The following KIAA1217 variants were observed in gnomAD, a reference collection of about 807,000 sequenced individuals.
The protein encoded by KIAA1217 is KIAA1217, also known as sickle tail protein homolog.
Under a neutral mutation model 163.9 loss-of-function variants are expected in KIAA1217, and 88 were observed. The ratio of observed to expected loss-of-function variants is 0.54; its 90% CI spans 0.45 to 0.64. The LOEUF is 0.64. Among genes scored for constraint, KIAA1217 ranks in the 30% least tolerant of loss-of-function variants. The pLI, the probability that KIAA1217 is intolerant of heterozygous loss-of-function variation, is 0.00. For missense variants in KIAA1217, 2,372 were observed against 2,475.0 expected (o/e 0.96, Z 0.88); for synonymous variants, 903 against 923.1 (o/e 0.98, Z 0.39).
rs1462204129 is a variant in KIAA1217 at position 24,157,972 on chromosome 10, T to A, written c.-170-61654T>A. The A allele has an allele frequency of 6.7e-6, 5 of 744,946 alleles. No homozygotes were observed. The Admixed American group carries it at 9.6e-5, about 14-fold the overall frequency. The allele number at this position is 744,946 out of a possible 1,614,324, so 46.1% of individuals were successfully genotyped here. On this transcript the variant is annotated intron_variant, in intron 2 of 18. Transcript: ENST00000376462. ...TGTGGAATTTGCCAGCCCTGGTGACTCCACAATCTCGATCAATTAGTGGCC... is the reference window on the plus strand; with the variant it reads ...TGTGGAATTTGCCAGCCCTGGTGACACCACAATCTCGATCAATTAGTGGCC...
intron 2 of KIAA1217, among the ~76,000 whole-genome samples, chr10:24,099,029 A>C (rs2062281990): frequency 6.6e-6 from 1 of 152,188 alleles, no homozygotes; most frequent in Non-Finnish European, 1.5e-5. Context: ...CACTGTAGAA[A>C]AAACAACAGC....
intron 2 of KIAA1217, among the ~76,000 whole-genome samples, chr10:24,241,342 T>C (rs772770652): frequency 6.6e-6 from 1 of 152,174 alleles, no homozygotes; most frequent in Admixed American, 6.5e-5. Context: ...AAATACAAAA[T>C]GTTAAGTATG....
intron 2 of KIAA1217, among the ~76,000 whole-genome samples, chr10:24,017,800 G>T (rs1589239954): frequency 6.6e-6 from 1 of 152,026 alleles, no homozygotes; most frequent in African/African-American, 2.4e-5. Context: ...GGTTCCAAAG[G>T]TCTCACCCAG....
chr10:24,006,990 G>A lies in KIAA1217; in HGVS notation c.-320-235G>A, dbSNP rs534365540. Among the ~76,000 whole-genome samples the A allele has an allele frequency of 1.4e-3, 209 of 152,070 alleles. 1 individual carries two copies. The highest frequency in any genetic ancestry group is 4.8e-3 in the African/African-American group (201 of 41,466). On this transcript the variant is annotated intron_variant, in intron 1 of 18. Coordinates refer to the KIAA1217 transcript ENST00000376462. ...GAATGTGTTTACTTTCCTTTATAGC[G>A]TCCAACTAATGTTTTGGGGAAAATA...
chr10:24,118,706 CTT>C (rs72027993), intron 2 of KIAA1217, among the ~76,000 whole-genome samples: 2 of 144,668 alleles, frequency 1.4e-5, no homozygotes, highest in Admixed American at 6.9e-5. Context: ...CCTGGATTTG[CTT>C]TTTTTTTTTT....
intron 1 of KIAA1217, among the ~76,000 whole-genome samples, chr10:23,891,671 A>G (rs1203140972): frequency 6.6e-6 from 1 of 151,950 alleles, no homozygotes; most frequent in African/African-American, 2.4e-5. Flanking sequence ...CACTGCTTAG[A>G]AATTATTGAT....
intron 2 of KIAA1217, among the ~76,000 whole-genome samples, chr10:24,130,044 T>G (rs1306416851): frequency 6.6e-6 from 1 of 152,156 alleles, no homozygotes; most frequent in Non-Finnish European, 1.5e-5. Context: ...AGAAACTTGT[T>G]CACCATTTGC....
In KIAA1217 at chr10:23,987,221, C is replaced by CA. The variant is rs558662869; in HGVS notation, c.-320-19998dup. On this transcript the variant is annotated intron_variant, in intron 1 of 18. Coordinates refer to the KIAA1217 transcript ENST00000376462. The stretch of plus-strand genomic sequence containing the variant: ...TGAAACCCTGTCTCTACTAAAAATA[C>CA]AAAAAATTAGCCGGGTGTGGTGGTG... Among the ~76,000 whole-genome samples the CA allele has an allele frequency of 3.3e-5, 5 of 151,700 alleles. No homozygotes were observed. The South Asian group carries it at 8.4e-4, about 25-fold the overall frequency.
Position 24,545,108 on chromosome 10 carries a change from T to C in KIAA1217, c.5334+5T>C, listed in dbSNP as rs372965582. On this transcript the variant is annotated splice_donor_5th_base_variant and intron_variant, in intron 20 of 20. Coordinates refer to ENST00000376454, the MANE Select transcript of KIAA1217 (RefSeq NM_019590.5). ...GATCCCCGCCAATATCGTCAGGTAG[T>C]TTTACCTTAAACCCACTTTTGGATG... is the stretch of plus-strand genomic sequence containing the variant. The C allele has an allele frequency of 1.2e-6, 2 of 1,614,020 alleles. No individual in the cohort carries two copies. Among genetic ancestry groups the C allele is most frequent in the African/African-American group, 2.7e-5 (2 of 74,918 alleles).
At chr10:23,922,299 C>A (rs2131294253) in intron 1 of KIAA1217, among the ~76,000 whole-genome samples, 1 of 152,308 alleles carries the variant, frequency 6.6e-6, no homozygotes, top group Non-Finnish European at 1.5e-5. Flanking sequence ...CCTTGACCTC[C>A]ATACCTCCTC....
At chr10:24,112,746 G>C (rs1038587184) in intron 2 of KIAA1217, among the ~76,000 whole-genome samples, 2 of 151,866 alleles carry the variant, frequency 1.3e-5, no homozygotes, top group African/African-American at 4.8e-5. Context: ...CCCCATGCCC[G>C]GCCAATTTTT....
intron 1 of KIAA1217, among the ~76,000 whole-genome samples, chr10:24,211,361 C>CTTTTTTTTTTTTTTTTTTTTTTTTTTTT (rs1201397959): frequency 1.7e-5 from 1 of 60,208 alleles, no homozygotes; most frequent in African/African-American, 6.5e-5. Context: ...GGTGGGACTA[C>CTTTTTTTTTTTTTTTTTTTTTTTTTTTT]TTTTTTTTTT....
At chr10:24,487,011 A>G (rs2065486802) in intron 6 of KIAA1217, among the ~76,000 whole-genome samples, 1 of 152,228 alleles carries the variant, frequency 6.6e-6, no homozygotes, top group South Asian at 2.1e-4. Context: ...ATGGAGTCAG[A>G]GAACAAACAC....
chr10:23,781,696 G>A (rs1019321345), intron 1 of KIAA1217, among the ~76,000 whole-genome samples: 1 of 152,122 alleles, frequency 6.6e-6, no homozygotes, highest in Non-Finnish European at 1.5e-5. Flanking sequence ...AGAGTTCTGT[G>A]GCTTCAGATT....
At chr10:23,744,209 G>C (rs1430436461) in intron 1 of KIAA1217, among the ~76,000 whole-genome samples, 2 of 152,210 alleles carry the variant, frequency 1.3e-5, no homozygotes, top group Non-Finnish European at 2.9e-5. Flanking sequence ...TAGCAAGGAT[G>C]TGAGCTACTA....
chr10:24,200,011 A>G (rs1226271762), intron 2 of KIAA1217, among the ~76,000 whole-genome samples: 1 of 151,650 alleles, frequency 6.6e-6, no homozygotes, highest in African/African-American at 2.4e-5. Context: ...GCTGACAGAA[A>G]CTCTGGGAAA....
At chr10:23,742,278 G>A (rs1056901611) in intron 1 of KIAA1217, among the ~76,000 whole-genome samples, 9 of 152,174 alleles carry the variant, frequency 5.9e-5, no homozygotes, top group East Asian at 3.9e-4. Flanking sequence ...GTCTGGAGGG[G>A]CCTGCCACTG....
Position 24,544,235 on chromosome 10 carries a change from T to C in KIAA1217, c.4965T>C (p.Thr1655=), listed in dbSNP as rs1280888595. The change falls in exon 19 of 21, where the codon ACT becomes ACC. Residue 1655 remains threonine, a synonymous_variant. Transcript: ENST00000376454. The part of the protein sequence containing the change: ...SIESTSPISR[T]DEIRKNTYRT... ...AGAGTACATCTCCGATTTCAAGAAC[T>C]GATGAAATTAGAAAAAACACCTACA... is the stretch of plus-strand genomic sequence containing the variant. 3.7e-6 allele frequency: 6 copies of C among 1,614,076 alleles called. No homozygotes were observed. The highest frequency in any genetic ancestry group is 2.2e-5 in the South Asian group (2 of 91,082).
At chr10:24,355,928 T>C (rs1245976708) in intron 2 of KIAA1217, among the ~76,000 whole-genome samples, 2 of 151,316 alleles carry the variant, frequency 1.3e-5, no homozygotes, top group Non-Finnish European at 2.9e-5. Flanking sequence ...TTTGTATTTT[T>C]AGTAGAGACG....
Sources: allele counts gnomAD v4.1 joint callset (sites outside exome capture counted in the v4.1 genomes callset), GRCh38; gene constraint gnomAD v4.1.1; transcripts MANE v1.5; gene names NCBI Gene and HGNC (gene_info 2026-07-23, HGNC 2026-07-21).